CDH12: variants seen among roughly 807,000 people sequenced by gnomAD.
CDH12 encodes the protein cadherin 12, also known as cadherin-12.
A neutral mutation model predicts 74.1 loss-of-function variants in CDH12; 41 were observed. The observed-to-expected ratio is 0.55, with a 90% CI of 0.43 to 0.72. The LOEUF (loss-of-function observed/expected upper bound fraction) is 0.72, where lower values mean the gene tolerates loss of function less well. CDH12 is among the 30% of genes least tolerant of loss of function. CDH12 has a pLI of 0.00. For synonymous variants in CDH12, 399 were observed against 355.0 expected, an observed-to-expected ratio of 1.12 and a Z score of -1.39; for missense variants, 945 against 977.2, an observed-to-expected ratio of 0.97 and a Z score of 0.44.
intron 5 of CDH12, among the ~76,000 whole-genome samples, chr5:22,011,577 G>C (rs2150153124): frequency 6.6e-6 from 1 of 152,266 alleles, no homozygotes; most frequent in South Asian, 2.1e-4. Flanking sequence ...AGAGCCACAT[G>C]TGGAATACAC....
chr5:22,174,719 G>T (rs575670382), intron 4 of CDH12, among the ~76,000 whole-genome samples: 3 of 151,960 alleles, frequency 2.0e-5, no homozygotes, highest in African/African-American at 7.2e-5. Context: ...ACTAAAAAGA[G>T]GGTATATTAA....
intron 11 of CDH12, among the ~76,000 whole-genome samples, chr5:21,773,238 TGATTG>T (rs1745416047): frequency 6.6e-6 from 1 of 152,170 alleles, no homozygotes; most frequent in African/African-American, 2.4e-5. Flanking sequence ...AGTGTCAACT[TGATTG>T]GATTGAAGGA....
chr5:22,107,504 A>ATAC (rs1159284357), intron 4 of CDH12, among the ~76,000 whole-genome samples: 4 of 150,244 alleles, frequency 2.7e-5, no homozygotes, highest in Non-Finnish European at 4.4e-5. Flanking sequence ...ACATATAATA[A>ATAC]TTATATGTGT....
chr5:22,144,933 G>T (rs2150302637), intron 4 of CDH12, among the ~76,000 whole-genome samples: 1 of 152,058 alleles, frequency 6.6e-6, no homozygotes, highest in East Asian at 1.9e-4. Flanking sequence ...TCAGATTTCG[G>T]CAATGTTGTA....
At position 22,836,458 on chromosome 5, in the gene CDH12, T is replaced by G. The variant is rs550120616; in HGVS notation, c.-523+16600A>C. 3.3e-5 allele frequency among the ~76,000 whole-genome samples: 5 copies of G among 152,056 alleles called. No homozygotes were observed. The South Asian group carries it at 8.3e-4, about 25-fold the overall frequency. On this transcript the variant is annotated intron_variant, in intron 1 of 14. Coordinates refer to ENST00000382254, the MANE Select transcript of CDH12 (RefSeq NM_004061.5). ...GTTAGCCAGGCTGGTCTCAAACTCC[T>G]GACCTCCTGATCCACCTACCTCGGC...
At chr5:22,173,907 C>T (rs910493542) in intron 4 of CDH12, among the ~76,000 whole-genome samples, 1 of 151,852 alleles carries the variant, frequency 6.6e-6, no homozygotes, top group African/African-American at 2.4e-5. Flanking sequence ...ACATGCCACT[C>T]CAAGTGGAAT....
chr5:22,567,868 C>T (rs981964490), intron 1 of CDH12, among the ~76,000 whole-genome samples: 1 of 152,150 alleles, frequency 6.6e-6, no homozygotes, highest in Non-Finnish European at 1.5e-5. Context: ...TCTTAACACA[C>T]CTGTCCATAT....
intron 5 of CDH12, among the ~76,000 whole-genome samples, chr5:22,046,289 A>T (rs1445051906): frequency 6.6e-6 from 1 of 152,174 alleles, no homozygotes; most frequent in African/African-American, 2.4e-5. Context: ...GCAATAATTA[A>T]TTGAGAGCAG....
intron 3 of CDH12, among the ~76,000 whole-genome samples, chr5:22,224,532 A>G (rs530991400): frequency 2.2e-4 from 34 of 152,200 alleles, no homozygotes; most frequent in Non-Finnish European, 2.9e-4. Flanking sequence ...TTAGAATTTG[A>G]GGCAAAAAAG....
intron 1 of CDH12, among the ~76,000 whole-genome samples, chr5:22,664,409 A>G (rs1315582998): frequency 6.6e-6 from 1 of 152,158 alleles, no homozygotes; most frequent in Non-Finnish European, 1.5e-5. Flanking sequence ...GTGCCAAGCG[A>G]AGGGGAGAAA....
At chr5:21,984,264 T>C (rs1757425339) in intron 5 of CDH12, among the ~76,000 whole-genome samples, 1 of 152,198 alleles carries the variant, frequency 6.6e-6, no homozygotes. Context: ...CCCAACACTG[T>C]CCTAATTCTT....
chr5:22,591,536 A>G (rs1301434142), intron 1 of CDH12, among the ~76,000 whole-genome samples: 1 of 152,172 alleles, frequency 6.6e-6, no homozygotes, highest in Non-Finnish European at 1.5e-5. Context: ...CAGTCTGTAA[A>G]ACAAGTTCCT....
intron 1 of CDH12, among the ~76,000 whole-genome samples, chr5:22,562,312 G>T (rs1034370849): frequency 1.4e-4 from 21 of 150,548 alleles, no homozygotes; most frequent in Admixed American, 1.4e-3. Context: ...GCGAGACTCC[G>T]TCTCAAAAAC....
chr5:22,797,763 TA>T (rs1326888755), intron 1 of CDH12, among the ~76,000 whole-genome samples: 2 of 152,172 alleles, frequency 1.3e-5, no homozygotes, highest in African/African-American at 4.8e-5. Context: ...TTTATTTGAA[TA>T]CAATTTCTAT....
chr5:22,835,824 C>T (rs111282975), intron 1 of CDH12, among the ~76,000 whole-genome samples: 2 of 152,292 alleles, frequency 1.3e-5, no homozygotes, highest in African/African-American at 4.8e-5. Context: ...TCTCCTGTTT[C>T]CATACTTGGC....
At chr5:22,049,160 ATTGATACATACATATGCTGGTG>A (rs1252186321) in intron 5 of CDH12, among the ~76,000 whole-genome samples, 1 of 152,278 alleles carries the variant, frequency 6.6e-6, no homozygotes, top group East Asian at 1.9e-4. Context: ...CCTGGCTGGT[ATTGATACATACATATGCTGGTG>A]TTGATATATA....
intron 3 of CDH12, among the ~76,000 whole-genome samples, chr5:22,219,841 C>T (rs1042376802): frequency 1.8e-4 from 27 of 151,572 alleles, no homozygotes; most frequent in Non-Finnish European, 1.0e-4. Context: ...TGAATTAGTG[C>T]AGATGGAGTA....
At chr5:22,275,888 G>A (rs1467961828) in intron 3 of CDH12, among the ~76,000 whole-genome samples, 1 of 152,114 alleles carries the variant, frequency 6.6e-6, no homozygotes, top group Non-Finnish European at 1.5e-5. Context: ...CCCAATTGGT[G>A]ATTTAATTGG....
intron 2 of CDH12, among the ~76,000 whole-genome samples, chr5:22,456,368 CT>C (rs1216051999): frequency 6.6e-6 from 1 of 151,712 alleles, no homozygotes; most frequent in Non-Finnish European, 1.5e-5. Context: ...GTATTGACTC[CT>C]GTACACTATT....
Sources: gnomAD v4.1 joint callset for allele counts (sites outside exome capture counted in the v4.1 genomes callset) on GRCh38, gnomAD v4.1.1 for gene constraint, MANE v1.5 for transcripts, NCBI Gene and HGNC (gene_info 2026-07-23, HGNC 2026-07-21) for gene names.